The following OLFM3 variants were observed in gnomAD, a reference collection of about 807,000 sequenced individuals.
OLFM3 encodes the protein olfactomedin 3, also known as noelin-3.
A neutral mutation model predicts 48.6 loss-of-function variants in OLFM3; 20 were observed. The ratio of observed to expected loss-of-function variants is 0.41; its 90% confidence interval spans 0.29 to 0.60. The LOEUF (loss-of-function observed/expected upper bound fraction) is 0.60. Among genes scored for constraint, OLFM3 ranks in the 20% least tolerant of loss-of-function variants. The probability of loss-of-function intolerance (pLI) is 0.28; values close to 1 mark genes in which losing one functional copy is unlikely to be tolerated. For synonymous variants in OLFM3, 222 were observed against 198.1 expected (o/e 1.12, Z -1.01); for missense variants, 437 against 544.3 (o/e 0.80, Z 1.96).
In OLFM3 at chr1:101,936,981, A is replaced by C. The variant is rs188950674; in HGVS notation, c.69+59767T>G. Among the ~76,000 whole-genome samples, 516 of 152,288 alleles carry C rather than the reference A, an allele frequency of 3.4e-3. 3 individuals carry two copies. Among genetic ancestry groups the C allele is most frequent in the South Asian group, 4.4e-3 (21 of 4,826 alleles). Reference sequence around the variant, plus strand: ...AATCAACTCAAGATGTATTAAAGACATAAATGTAAAACTTAAAAGTATAAA... The same window carrying C: ...AATCAACTCAAGATGTATTAAAGACCTAAATGTAAAACTTAAAAGTATAAA... On this transcript the variant is annotated intron_variant, in intron 1 of 5. Coordinates refer to ENST00000370103, the MANE Select transcript of OLFM3 (RefSeq NM_058170.4).
At chr1:101,949,872 G>T (rs959308556) in intron 1 of OLFM3, among the ~76,000 whole-genome samples, 2 of 146,828 alleles carry the variant, frequency 1.4e-5, no homozygotes, top group Admixed American at 1.4e-4. Context: ...GGAGCTTGCA[G>T]TGAGCCGAGA....
chr1:101,814,660 A>G (rs1654241670), intron 4 of OLFM3, among the ~76,000 whole-genome samples: 2 of 152,220 alleles, frequency 1.3e-5, no homozygotes, highest in South Asian at 4.1e-4. Flanking sequence ...GGTTGGGGAC[A>G]TGGGTTAAAG....
At chr1:101,814,483 GCTA>G (rs747717791) in intron 4 of OLFM3, among the ~76,000 whole-genome samples, 25 of 152,152 alleles carry the variant, frequency 1.6e-4, no homozygotes, top group Non-Finnish European at 1.0e-4. Context: ...TGACTGGGGA[GCTA>G]CTTGATATTG....
intron 1 of OLFM3, among the ~76,000 whole-genome samples, chr1:101,994,380 A>AT (rs914544260): frequency 1.3e-4 from 19 of 150,890 alleles, no homozygotes; most frequent in African/African-American, 4.6e-4. Context: ...CAAAAACTGT[A>AT]TTTTTTGTAG....
At chr1:101,884,012 G>A (rs1283451822) in intron 1 of OLFM3, among the ~76,000 whole-genome samples, 6 of 151,676 alleles carry the variant, frequency 4.0e-5, no homozygotes, top group Admixed American at 4.0e-4. Flanking sequence ...AAATAAGAAA[G>A]AATGTTTAGG....
At chr1:101,968,104 G>C (rs1660670359) in intron 1 of OLFM3, among the ~76,000 whole-genome samples, 1 of 152,152 alleles carries the variant, frequency 6.6e-6, no homozygotes. Flanking sequence ...GCAACAAAAC[G>C]AGTGGCTTAC....
chr1:101,848,853 T>C (rs1218902565), intron 1 of OLFM3, among the ~76,000 whole-genome samples: 1 of 152,120 alleles, frequency 6.6e-6, no homozygotes, highest in Non-Finnish European at 1.5e-5. Context: ...ACTAGATAAT[T>C]TAAGAAATGA....
At chr1:101,875,088 A>C (rs1657245714) in intron 1 of OLFM3, among the ~76,000 whole-genome samples, 1 of 152,004 alleles carries the variant, frequency 6.6e-6, no homozygotes, top group African/African-American at 2.4e-5. Context: ...TTTATGAAAA[A>C]AGTAATTAAA....
intron 1 of OLFM3, among the ~76,000 whole-genome samples, chr1:101,885,707 C>A (rs1303525050): frequency 2.6e-5 from 4 of 152,048 alleles, no homozygotes; most frequent in Non-Finnish European, 5.9e-5. Flanking sequence ...ATTTTCTTTT[C>A]TCCAGCTTAC....
At chr1:101,978,926 T>C (rs1004038540) in intron 1 of OLFM3, among the ~76,000 whole-genome samples, 2 of 152,208 alleles carry the variant, frequency 1.3e-5, no homozygotes, top group African/African-American at 4.8e-5. Flanking sequence ...AAGAGCCATA[T>C]GTGATCCCTG....
intron 3 of OLFM3, among the ~76,000 whole-genome samples, chr1:101,826,404 C>T (rs905952188): frequency 1.3e-5 from 2 of 152,216 alleles, no homozygotes; most frequent in Non-Finnish European, 1.5e-5. Context: ...AGCAGTCCCT[C>T]TTATGATTAT....
At chr1:101,903,447 G>A (rs1265791360) in intron 1 of OLFM3, among the ~76,000 whole-genome samples, 2 of 152,090 alleles carry the variant, frequency 1.3e-5, no homozygotes, top group African/African-American at 2.4e-5. Flanking sequence ...CAAGGAAAAT[G>A]AGTGGAAATT....
At chr1:101,871,001 A>G (rs1306071754) in intron 1 of OLFM3, among the ~76,000 whole-genome samples, 1 of 152,120 alleles carries the variant, frequency 6.6e-6, no homozygotes, top group Non-Finnish European at 1.5e-5. Flanking sequence ...AATTCTAGTA[A>G]GAAATTTAGA....
At chr1:101,811,412 A>G (rs1206106585) in intron 4 of OLFM3, among the ~76,000 whole-genome samples, 2 of 152,146 alleles carry the variant, frequency 1.3e-5, no homozygotes, top group Admixed American at 1.3e-4. Context: ...AACCTACAGA[A>G]TGAGAGAAAA....
At chr1:101,913,373 T>C (rs192298650) in intron 1 of OLFM3, among the ~76,000 whole-genome samples, 29 of 152,246 alleles carry the variant, frequency 1.9e-4, no homozygotes, top group Admixed American at 1.6e-3. Flanking sequence ...ATAAGAAACA[T>C]TGCACTTCTT....
intron 4 of OLFM3, among the ~76,000 whole-genome samples, chr1:101,821,329 CATAT>C (rs1654597935): frequency 6.6e-6 from 1 of 151,984 alleles, no homozygotes; most frequent in South Asian, 2.1e-4. Context: ...TATATACATA[CATAT>C]ATTTATGCAC....
intron 1 of OLFM3, among the ~76,000 whole-genome samples, chr1:101,903,195 G>T (rs1350934915): frequency 6.6e-6 from 1 of 152,064 alleles, no homozygotes; most frequent in Admixed American, 6.6e-5. Flanking sequence ...CTGGAGTCCA[G>T]TCTGAATGGA....
At chr1:101,929,514 C>A (rs1659379443) in intron 1 of OLFM3, among the ~76,000 whole-genome samples, 1 of 152,048 alleles carries the variant, frequency 6.6e-6, no homozygotes, top group Admixed American at 6.6e-5. Flanking sequence ...ATCTCTCGGG[C>A]TCCAGGAGTT....
chr1:101,827,074 A>G (rs1654896479), intron 3 of OLFM3, among the ~76,000 whole-genome samples: 1 of 152,224 alleles, frequency 6.6e-6, no homozygotes, highest in African/African-American at 2.4e-5. Flanking sequence ...CTCATATCAA[A>G]TACTTAAAAG....
Sources: allele counts gnomAD v4.1 joint callset (sites outside exome capture counted in the v4.1 genomes callset), GRCh38; gene constraint gnomAD v4.1.1; transcripts MANE v1.5; gene names NCBI Gene and HGNC (gene_info 2026-07-23, HGNC 2026-07-21).